CDH17: variants seen among roughly 807,000 people sequenced by gnomAD.
The protein encoded by CDH17 is cadherin-17.
CDH17 carries 67 observed loss-of-function variants against 86.3 expected under a neutral mutation model. That is an observed-to-expected ratio of 0.78 (90% CI 0.64 to 0.95). The LOEUF is 0.95. Among genes scored for constraint, CDH17 ranks in the 40% least tolerant of loss-of-function variants. The pLI is 0.00. For synonymous variants in CDH17, 367 were observed against 366.4 expected (o/e 1.00, Z -0.02); for missense variants, 993 against 1,017.6 (o/e 0.98, Z 0.33).
chr8:94,151,853 A>C lies in CDH17; in HGVS notation c.1796+15T>G, dbSNP rs377285926. The C allele has an allele frequency of 6.2e-7, 1 of 1,613,806 alleles. No individual in the cohort carries two copies. The highest frequency in any genetic ancestry group is 1.3e-5 in the African/African-American group (1 of 74,912). On this transcript the variant is annotated intron_variant, in intron 13 of 17. Transcript: ENST00000027335. ...GACCACGCAGCCAGGCCTGCCCAGC[A>C]CTGTTGCCCTTTACCTTATGTCCAG...
intron 3 of CDH17, 81 bp from the exon 4 acceptor site, chr8:94,177,802 G>A: frequency 1.4e-6 from 2 of 1,419,326 alleles, no homozygotes; most frequent in Non-Finnish European, 1.9e-6. Flanking sequence ...CCAATTTCAG[G>A]TAAAATTTTC....
At chr8:94,145,115 T>C (rs761600204) in intron 15 of CDH17, among the ~76,000 whole-genome samples, 1 of 152,172 alleles carries the variant, frequency 6.6e-6, no homozygotes, top group Non-Finnish European at 1.5e-5. Flanking sequence ...AACTGAATCA[T>C]ATAACTCCCA....
Position 94,151,919 on chromosome 8 carries a change from C to A in CDH17, c.1745G>T (p.Gly582Val), listed in dbSNP as rs2130603915. Residue 582 changes from glycine (G) to valine (V), a missense_variant, in exon 13 of 18, where the codon GGC becomes GTC. Coordinates refer to ENST00000027335, the MANE Select transcript of CDH17 (RefSeq NM_004063.4). ...GGCAGTCACATTGCCCACTTTAGTG[C>A]CTATAGCTACATCCTCACTGACTTT... Reference protein sequence around the residue: ...QAKVSEDVAIGTKVGNVTAKD... With the variant: ...QAKVSEDVAIVTKVGNVTAKD... The A allele has an allele frequency of 6.2e-7, 1 of 1,614,148 alleles. No homozygotes were observed. The highest frequency in any genetic ancestry group is 1.1e-5 in the South Asian group (1 of 91,082).
chr8:94,148,720 T>TG, intron 14 of CDH17, 24 bp downstream of exon 14: 1 of 1,213,158 alleles, frequency 8.2e-7, no homozygotes, highest in Non-Finnish European at 1.1e-6. Flanking sequence ...CCTTTTTTTT[T>TG]GTTTTTTTTT....
In CDH17 at chr8:94,189,759, G is replaced by C. The variant is rs143599511; in HGVS notation, c.52-474C>G. Among the ~76,000 whole-genome samples the C allele has an allele frequency of 5.3e-5, 8 of 152,268 alleles. No homozygotes were observed. In the East Asian group the frequency reaches 5.8e-4, roughly 11 times the overall value. On this transcript the variant is annotated intron_variant, in intron 2 of 17. Transcript: ENST00000027335. ...CACTCTAGTGTTTTGAATTTATAAG[G>C]GGGAGAAAGAAAATATAGACGTATT...
chr8:94,200,279 G>A (rs992461599), intron 1 of CDH17, among the ~76,000 whole-genome samples: 7 of 152,046 alleles, frequency 4.6e-5, no homozygotes, highest in Admixed American at 2.6e-4. Flanking sequence ...GAAATTGCCC[G>A]AAACCACCAA....
intron 3 of CDH17, among the ~76,000 whole-genome samples, chr8:94,184,221 TTG>T (rs150547591): frequency 1.8e-4 from 24 of 134,588 alleles, no homozygotes; most frequent in East Asian, 4.0e-4. Context: ...GTGTGTGTGT[TTG>T]TGTGTGTGTG....
chr8:94,135,981 C>G (rs867747864), intron 15 of CDH17, among the ~76,000 whole-genome samples: 3 of 152,102 alleles, frequency 2.0e-5, no homozygotes, highest in Admixed American at 6.5e-5. Flanking sequence ...GAATATTGGC[C>G]CCCACTCTCT....
intron 3 of CDH17, among the ~76,000 whole-genome samples, chr8:94,182,260 C>G (rs990860724): frequency 6.6e-5 from 10 of 152,154 alleles, no homozygotes; most frequent in African/African-American, 2.4e-4. Context: ...GTAAGGAACA[C>G]TTATTCAATT....
At chr8:94,213,001 G>T (rs577299165), upstream of CDH17, among the ~76,000 whole-genome samples, 3 of 152,226 alleles carry the variant, frequency 2.0e-5, no homozygotes, top group East Asian at 1.9e-4. Flanking sequence ...TATGTCCCTG[G>T]GTCCCTTGCT....
intron 4 of CDH17, among the ~76,000 whole-genome samples, chr8:94,177,140 C>T (rs745628022): frequency 2.6e-5 from 4 of 152,160 alleles, no homozygotes; most frequent in African/African-American, 4.8e-5. Context: ...GAGAGGGAGA[C>T]GGGTCTTTTT....
chr8:94,148,194 C>T (rs1340534482), intron 14 of CDH17, among the ~76,000 whole-genome samples: 1 of 152,152 alleles, frequency 6.6e-6, no homozygotes, highest in Non-Finnish European at 1.5e-5. Context: ...CTACAGGAAA[C>T]CACAGAGTGA....
intron 2 of CDH17, 133 bp downstream of exon 2, chr8:94,194,502 T>TATA: frequency 1.5e-6 from 1 of 684,444 alleles, no homozygotes; most frequent in South Asian, 1.7e-5. Context: ...ATGTTTCCAT[T>TATA]CTATACAACA....
chr8:94,145,977 G>A lies in CDH17; in HGVS notation c.2118C>T (p.Ser706=), dbSNP rs753814284. Residue 706 remains serine, a synonymous_variant, in exon 15 of 18, where the codon TCC becomes TCT. Transcript: ENST00000027335. Reference sequence around the variant, plus strand: ...CGTTTTGTAAGCTTCCACTGCCGAGGGAAAATGTAAAATGGGGACCCCGAA... The same window carrying A: ...CGTTTTGTAAGCTTCCACTGCCGAGAGAAAATGTAAAATGGGGACCCCGAA... ...HLFRGPHFTF[S]LGSGSLQNDW... is the part of the protein sequence containing the mutation. 2 of 1,613,666 alleles carry A rather than the reference G, an allele frequency of 1.2e-6. No individual in the cohort carries two copies. The highest frequency in any genetic ancestry group is 1.7e-6 in the Non-Finnish European group (2 of 1,179,814).
chr8:94,149,742 C>T (rs971056029), intron 13 of CDH17, among the ~76,000 whole-genome samples: 2 of 152,236 alleles, frequency 1.3e-5, no homozygotes, highest in African/African-American at 4.8e-5. Flanking sequence ...CAATGGGCAG[C>T]CAGCCAATGA....
intron 3 of CDH17, among the ~76,000 whole-genome samples, chr8:94,188,497 C>T (rs1179072157): frequency 2.6e-5 from 4 of 152,286 alleles, no homozygotes; most frequent in Middle Eastern, 3.4e-3. Context: ...TCATCAGCAT[C>T]CTCCAATCAC....
intron 2 of CDH17, among the ~76,000 whole-genome samples, chr8:94,192,541 C>T (rs191562082): frequency 4.8e-4 from 73 of 152,298 alleles, no homozygotes; most frequent in African/African-American, 1.7e-3. Flanking sequence ...ACCTCCAGAC[C>T]AGACCCAGCG....
intron 15 of CDH17, among the ~76,000 whole-genome samples, chr8:94,138,048 C>T (rs1812566551): frequency 6.6e-6 from 1 of 151,944 alleles, no homozygotes; most frequent in Admixed American, 6.6e-5. Flanking sequence ...TGATATTATA[C>T]CTGGTTTTCA....
chr8:94,204,190 G>T (rs1813978853), intron 1 of CDH17, among the ~76,000 whole-genome samples: 1 of 151,952 alleles, frequency 6.6e-6, no homozygotes, highest in Non-Finnish European at 1.5e-5. Flanking sequence ...GAACATGCAG[G>T]TTTGTTATAT....
Sources: allele counts gnomAD v4.1 joint callset (sites outside exome capture counted in the v4.1 genomes callset), GRCh38; gene constraint gnomAD v4.1.1; transcripts MANE v1.5; gene names NCBI Gene and HGNC (gene_info 2026-07-23, HGNC 2026-07-21).